Variants in ATP10B observed in about 807,000 individuals in gnomAD.
ATP10B encodes ATPase phospholipid transporting 10B (putative).
ATP10B carries 122 observed loss-of-function variants against 141.2 expected under a neutral mutation model. The ratio of observed to expected loss-of-function variants is 0.86; its 90% confidence interval spans 0.75 to 1.00. ATP10B has a LOEUF of 1.00. ATP10B is among the 50% of genes least tolerant of loss of function. The probability of loss-of-function intolerance (pLI) is 0.00; values close to 1 mark genes in which losing one functional copy is unlikely to be tolerated. For missense variants in ATP10B, 1,876 were observed against 1,825.3 expected (o/e 1.03, Z -0.51); for synonymous variants, 685 against 692.0 (o/e 0.99, Z 0.16).
intron 1 of ATP10B, among the ~76,000 whole-genome samples, chr5:160,803,316 C>T (rs972739049): frequency 3.9e-5 from 6 of 152,184 alleles, no homozygotes; most frequent in African/African-American, 9.7e-5. Context: ...GTGCTAAATG[C>T]TTTACACATT....
intron 15 of ATP10B, among the ~76,000 whole-genome samples, chr5:160,618,234 G>C (rs759168738): frequency 6.6e-6 from 1 of 152,204 alleles, no homozygotes; most frequent in Non-Finnish European, 1.5e-5. Context: ...GAAGGTAGGT[G>C]GTCTAAGGTA....
At chr5:160,586,597 G>A (rs1012198089) in intron 24 of ATP10B, among the ~76,000 whole-genome samples, 3 of 152,360 alleles carry the variant, frequency 2.0e-5, no homozygotes, top group Middle Eastern at 6.8e-3. Flanking sequence ...CCCACCAACA[G>A]TGTAAAAGCG....
At chr5:160,773,645 G>A (rs967501133) in intron 2 of ATP10B, among the ~76,000 whole-genome samples, 30 of 152,198 alleles carry the variant, frequency 2.0e-4, no homozygotes, top group African/African-American at 7.0e-4. Context: ...GCAAGTGGCA[G>A]ATCTAGGCCT....
the ATP10B span, among the ~76,000 whole-genome samples, chr5:160,921,125 T>C: frequency 6.6e-6 from 1 of 152,120 alleles, no homozygotes; most frequent in South Asian, 2.1e-4. Flanking sequence ...TTGTCATTCT[T>C]CCTCTACAGG....
At chr5:160,813,671 G>T (rs1019963563) in intron 1 of ATP10B, among the ~76,000 whole-genome samples, 3 of 152,190 alleles carry the variant, frequency 2.0e-5, no homozygotes, top group African/African-American at 7.2e-5. Context: ...ATCTGAGAAC[G>T]GACAGACTGC....
At position 160,620,704 on chromosome 5, in the gene ATP10B, G is replaced by C. The variant is rs755506087; in HGVS notation, c.2059C>G (p.Gln687Glu). The change falls in exon 15 of 26, where the codon CAG becomes GAG. Residue 687 changes from glutamine (Q) to glutamate (E), a missense_variant. Gln to Glu is a conservative substitution (Grantham distance 29, BLOSUM62 2). Transcript: ENST00000327245. ...DGGYRSSMWD[Q>E]GDILESGSGT... ...GACCCAGACTCCAGGATGTCGCCCT[G>C]GTCCCACATGCTGCTCCTGTAGCCA... is the stretch of plus-strand genomic sequence containing the variant. 10 of 1,614,170 alleles carry C rather than the reference G, an allele frequency of 6.2e-6. No homozygotes were observed. Among genetic ancestry groups the C allele is most frequent in the South Asian group, 1.1e-5 (1 of 91,088 alleles).
chr5:160,854,549 C>T (rs1451906041), upstream of ATP10B, among the ~76,000 whole-genome samples: 1 of 152,172 alleles, frequency 6.6e-6, no homozygotes, highest in African/African-American at 2.4e-5. Context: ...GTATGTGCTA[C>T]ATTTTCTTTA....
Position 160,737,922 on chromosome 5 carries a change from G to C in ATP10B, c.-330-20888C>G, listed in dbSNP as rs78403219. Among the ~76,000 whole-genome samples the C allele has an allele frequency of 1.1e-4, 16 of 152,196 alleles. No homozygotes were observed. The East Asian group carries it at 3.1e-3, about 29-fold the overall frequency. ...TAGAAATAGACAAAAAATTAGTAAA[G>C]ATGTAGAAGATTTGAACGTTACTAT... is the stretch of plus-strand genomic sequence containing the variant. On this transcript the variant is annotated intron_variant, in intron 2 of 25. Coordinates refer to ENST00000327245, the MANE Select transcript of ATP10B (RefSeq NM_025153.3).
chr5:160,811,406 G>A (rs935249590), intron 1 of ATP10B, among the ~76,000 whole-genome samples: 2 of 152,224 alleles, frequency 1.3e-5, no homozygotes, highest in Non-Finnish European at 2.9e-5. Context: ...CTTGGCTCTT[G>A]GACAGCATTT....
At position 160,598,863 on chromosome 5, in the gene ATP10B, C is replaced by T. The variant is rs1179766322; in HGVS notation, c.3471G>A (p.Leu1157=). 3.1e-6 allele frequency: 5 copies of T among 1,613,956 alleles called. No individual in the cohort carries two copies. In the African/African-American group the frequency reaches 5.3e-5, roughly 17 times the overall value. ...MIFFNLFFTS[L]PPLVFGVLDK... Reference sequence around the variant, plus strand: ...CAAGGACTCCAAAGACAAGAGGAGGCAAGGAGGTAAAGAAGAGATTGAAGA... The same window carrying T: ...CAAGGACTCCAAAGACAAGAGGAGGTAAGGAGGTAAAGAAGAGATTGAAGA... The change falls in exon 22 of 26, where the codon TTG becomes TTA. Residue 1157 remains leucine, a synonymous_variant. Coordinates refer to ENST00000327245, the MANE Select transcript of ATP10B (RefSeq NM_025153.3).
intron 2 of ATP10B, among the ~76,000 whole-genome samples, chr5:160,718,774 C>A (rs894117539): frequency 6.6e-6 from 1 of 152,124 alleles, no homozygotes; most frequent in Non-Finnish European, 1.5e-5. Flanking sequence ...GGATCCGACC[C>A]CATGGCCCAA....
chr5:160,699,779 T>C (rs1260092684), intron 3 of ATP10B, among the ~76,000 whole-genome samples: 3 of 151,990 alleles, frequency 2.0e-5, no homozygotes, highest in Non-Finnish European at 4.4e-5. Context: ...GAGGGCAAAT[T>C]AGCTGGCAAA....
the ATP10B span, among the ~76,000 whole-genome samples, chr5:160,862,356 G>C: frequency 1.3e-5 from 2 of 151,994 alleles, no homozygotes; most frequent in Admixed American, 6.6e-5. Flanking sequence ...AGCAGTGTTA[G>C]CTACTGCTGG....
chr5:160,613,578 G>A (rs554154607), intron 17 of ATP10B, among the ~76,000 whole-genome samples: 17 of 152,334 alleles, frequency 1.1e-4, no homozygotes, highest in African/African-American at 3.8e-4. Context: ...TACTTAGGAG[G>A]CCAGGCAGGA....
intron 20 of ATP10B, 62 bp from the exon 21 acceptor site, chr5:160,602,764 C>A: frequency 6.2e-7 from 1 of 1,606,506 alleles, no homozygotes; most frequent in Middle Eastern, 1.7e-4. Flanking sequence ...CAGAGGGACT[C>A]TCTCAAGGGC....
chr5:160,822,640 G>C (rs1337086496), intron 1 of ATP10B, among the ~76,000 whole-genome samples: 3 of 152,068 alleles, frequency 2.0e-5, no homozygotes, highest in Non-Finnish European at 4.4e-5. Context: ...AATGGATACA[G>C]AAAATGTTGT....
At chr5:160,898,004 C>G in the ATP10B span, among the ~76,000 whole-genome samples, 478 of 152,310 alleles carry the variant, frequency 3.1e-3, 5 homozygotes, top group African/African-American at 0.011. Flanking sequence ...AAAACTGAAA[C>G]TGGACCTCTT....
At chr5:160,721,402 G>A (rs1765994282) in intron 2 of ATP10B, among the ~76,000 whole-genome samples, 1 of 152,224 alleles carries the variant, frequency 6.6e-6, no homozygotes, top group Non-Finnish European at 1.5e-5. Context: ...ATTGTCACAA[G>A]TGTCACTGCA....
intron 25 of ATP10B, among the ~76,000 whole-genome samples, chr5:160,566,511 C>T (rs548332564): frequency 9.9e-5 from 15 of 152,176 alleles, no homozygotes; most frequent in Admixed American, 7.2e-4. Flanking sequence ...AATAGGGGCC[C>T]CAAGAGGTGA....
Sources: gnomAD v4.1 joint callset for allele counts (sites outside exome capture counted in the v4.1 genomes callset) on GRCh38, gnomAD v4.1.1 for gene constraint, MANE v1.5 for transcripts, NCBI Gene and HGNC (gene_info 2026-07-23, HGNC 2026-07-21) for gene names.